Variants in COL19A1 observed in about 807,000 individuals in gnomAD.
The protein encoded by COL19A1 is collagen alpha-1(XIX) chain.
COL19A1 carries 159 observed loss-of-function variants against 190.2 expected under a neutral mutation model. The observed-to-expected ratio is 0.84, with a 90% CI of 0.73 to 0.95. The LOEUF is 0.95. Among genes scored for constraint, COL19A1 ranks in the 40% least tolerant of loss-of-function variants. The pLI is 0.00. For synonymous variants in COL19A1, 509 were observed against 458.9 expected, an observed-to-expected ratio of 1.11 and a Z score of -1.39; for missense variants, 1,418 against 1,431.9, an observed-to-expected ratio of 0.99 and a Z score of 0.16.
chr6:70,009,528 AT>A (rs1389233813), intron 11 of COL19A1, among the ~76,000 whole-genome samples: 2 of 152,128 alleles, frequency 1.3e-5, no homozygotes, highest in Non-Finnish European at 2.9e-5. Flanking sequence ...TTCTTTAGAT[AT>A]TGATCTATAG....
chr6:70,075,258 C>T (rs1216625912), intron 15 of COL19A1, among the ~76,000 whole-genome samples: 1 of 152,172 alleles, frequency 6.6e-6, no homozygotes, highest in African/African-American at 2.4e-5. Context: ...TTCTCCAACA[C>T]ATTGTTTGAA....
chr6:69,993,056 G>C (rs989991321), intron 11 of COL19A1, among the ~76,000 whole-genome samples: 10 of 152,082 alleles, frequency 6.6e-5, no homozygotes, highest in Non-Finnish European at 1.3e-4. Context: ...AATGCTTCCA[G>C]CTTTTGCCCA....
intron 46 of COL19A1, among the ~76,000 whole-genome samples, chr6:70,186,846 T>C (rs1766551682): frequency 6.6e-6 from 1 of 152,112 alleles, no homozygotes; most frequent in Non-Finnish European, 1.5e-5. Flanking sequence ...ACTAATTAAT[T>C]ATGACATCTT....
At position 70,102,198 on chromosome 6, in the gene COL19A1, A is replaced by G. The variant is rs758093203; in HGVS notation, c.1254A>G (p.Gly418=). 3 of 1,612,788 alleles carry G rather than the reference A, an allele frequency of 1.9e-6. No individual in the cohort carries two copies. The highest frequency in any genetic ancestry group is 2.2e-5 in the South Asian group (2 of 91,036). Residue 418 remains glycine (G), a synonymous_variant, in exon 16 of 51, where the codon GGA becomes GGG. Coordinates refer to ENST00000620364, the MANE Select transcript of COL19A1 (RefSeq NM_001858.6). The part of the protein sequence containing the change: ...RGRRGKTGPP[G]KPGPPGPPGP... The stretch of plus-strand genomic sequence containing the variant: ...GACGAGGGAAAACAGGACCTCCCGG[A>G]AAACCAGGACCCCCAGGACCACCTG...
intron 11 of COL19A1, among the ~76,000 whole-genome samples, chr6:69,964,264 CTT>C (rs1774968034): frequency 1.3e-5 from 2 of 152,040 alleles, no homozygotes; most frequent in Non-Finnish European, 2.9e-5. Flanking sequence ...AAAGAATGGC[CTT>C]ATAATAACCA....
At chr6:69,894,604 A>G (rs1283335188) in intron 2 of COL19A1, among the ~76,000 whole-genome samples, 2 of 152,208 alleles carry the variant, frequency 1.3e-5, no homozygotes, top group Non-Finnish European at 2.9e-5. Context: ...AACACAGTAC[A>G]TAGACATGCA....
rs1273420739 is a variant in COL19A1, at chr6:70,023,339, TTGGTCAGGC to T, written c.1027-282_1027-274del. ...TTTAGTAGGGACAGGTTTCACCGTG[TTGGTCAGGC>T]TGGTCTCGAAATCCTGACCTCAACT... On this transcript the variant is annotated intron_variant, in intron 11 of 50. Transcript: ENST00000620364. 5.9e-5 allele frequency among the ~76,000 whole-genome samples: 9 copies of T among 152,208 alleles called. No individual in the cohort carries two copies. In the East Asian group the frequency reaches 1.7e-3, roughly 29 times the overall value.
chr6:69,872,813 G>T (rs774160801), intron 1 of COL19A1, among the ~76,000 whole-genome samples: 2 of 152,188 alleles, frequency 1.3e-5, no homozygotes, highest in Non-Finnish European at 2.9e-5. Context: ...TGCCAGTGCT[G>T]GGCACACTCA....
At chr6:69,989,824 C>T (rs1044248552) in intron 11 of COL19A1, among the ~76,000 whole-genome samples, 1 of 152,072 alleles carries the variant, frequency 6.6e-6, no homozygotes, top group African/African-American at 2.4e-5. Flanking sequence ...ACTTTAGTTT[C>T]CTCATCTCTA....
chr6:69,895,251 AC>A (rs1769640367), intron 2 of COL19A1, among the ~76,000 whole-genome samples: 1 of 152,102 alleles, frequency 6.6e-6, no homozygotes, highest in Non-Finnish European at 1.5e-5. Flanking sequence ...AAGTCTCCCG[AC>A]CCCAAGGAGC....
At chr6:70,152,047 C>T (rs548503441) in intron 31 of COL19A1, among the ~76,000 whole-genome samples, 1 of 151,212 alleles carries the variant, frequency 6.6e-6, no homozygotes, top group South Asian at 2.1e-4. Context: ...TAACACTTCC[C>T]TGTATTTTAT....
intron 11 of COL19A1, among the ~76,000 whole-genome samples, chr6:70,021,282 A>G (rs1453954887): frequency 6.6e-6 from 1 of 152,142 alleles, no homozygotes; most frequent in Non-Finnish European, 1.5e-5. Context: ...ATTTCATCAG[A>G]ATATTAACTC....
intron 11 of COL19A1, among the ~76,000 whole-genome samples, chr6:69,982,880 G>A (rs1776117387): frequency 6.6e-6 from 1 of 151,584 alleles, no homozygotes; most frequent in Non-Finnish European, 1.5e-5. Flanking sequence ...GCTGAGGCAG[G>A]AGAATGGCGT....
At chr6:69,894,708 A>C (rs1769596822) in intron 2 of COL19A1, among the ~76,000 whole-genome samples, 1 of 152,222 alleles carries the variant, frequency 6.6e-6, no homozygotes, top group Admixed American at 6.5e-5. Flanking sequence ...TCCCTAAGGC[A>C]GGATTGCTAA....
intron 16 of COL19A1, among the ~76,000 whole-genome samples, chr6:70,108,895 A>G (rs1784120632): frequency 1.3e-5 from 2 of 152,280 alleles, no homozygotes; most frequent in Admixed American, 1.3e-4. Context: ...CCTGAAAGTT[A>G]CAATTATACA....
chr6:69,991,584 T>C (rs1255135178), intron 11 of COL19A1, among the ~76,000 whole-genome samples: 1 of 152,008 alleles, frequency 6.6e-6, no homozygotes, highest in Non-Finnish European at 1.5e-5. Context: ...GCCATCCTGA[T>C]TGGTGTGAGA....
chr6:70,009,477 T>G (rs1029054335), intron 11 of COL19A1, among the ~76,000 whole-genome samples: 1 of 152,094 alleles, frequency 6.6e-6, no homozygotes, highest in African/African-American at 2.4e-5. Flanking sequence ...AATGTAGAGT[T>G]GATTTGTGGT....
Position 70,188,063 on chromosome 6 carries a change from T to G in COL19A1, c.2857-12T>G. The G allele has an allele frequency of 1.2e-6, 2 of 1,612,228 alleles. No homozygotes were observed. Among genetic ancestry groups the G allele is most frequent in the Non-Finnish European group, 1.7e-6 (2 of 1,179,442 alleles). ...AAGAGATTATTCTTTGTTATTATTTTTTCCTTAACAGGGTGATCAGGGGAT... is the reference window on the plus strand; with the variant it reads ...AAGAGATTATTCTTTGTTATTATTTGTTCCTTAACAGGGTGATCAGGGGAT... On this transcript the variant is annotated splice_polypyrimidine_tract_variant and intron_variant, in intron 46 of 50. Coordinates refer to ENST00000620364, the MANE Select transcript of COL19A1 (RefSeq NM_001858.6).
At chr6:70,045,597 A>T (rs1216699986) in intron 14 of COL19A1, among the ~76,000 whole-genome samples, 1 of 152,194 alleles carries the variant, frequency 6.6e-6, no homozygotes, top group Admixed American at 6.5e-5. Context: ...CAACAGCTGA[A>T]ATCCGTTTTG....
Sources: allele counts gnomAD v4.1 joint callset (sites outside exome capture counted in the v4.1 genomes callset), GRCh38; gene constraint gnomAD v4.1.1; transcripts MANE v1.5; gene names NCBI Gene and HGNC (gene_info 2026-07-23, HGNC 2026-07-21).